Variants in SRMS observed in about 807,000 individuals in gnomAD.
The protein encoded by SRMS is tyrosine-protein kinase Srms.
A neutral mutation model predicts 43.5 loss-of-function variants in SRMS; 42 were observed. That is an observed-to-expected ratio of 0.97 (90% CI 0.75 to 1.25). The LOEUF (loss-of-function observed/expected upper bound fraction) is 1.25, where lower values mean the gene tolerates loss of function less well. SRMS is among the 50% of genes most tolerant of loss of function. The pLI, the probability that SRMS is intolerant of heterozygous loss-of-function variation, is 0.00. For synonymous variants in SRMS, 316 were observed against 308.2 expected, an observed-to-expected ratio of 1.03 and a Z score of -0.27; for missense variants, 703 against 681.0, an observed-to-expected ratio of 1.03 and a Z score of -0.36.
rs2082689185 is a variant in SRMS, at chr20:63,539,177, G to A, written c.*1641C>T. Among the ~76,000 whole-genome samples, 1 of 152,204 alleles carries A rather than the reference G, an allele frequency of 6.6e-6. No individual in the cohort carries two copies. On this transcript the variant is annotated 3_prime_UTR_variant, in exon 8 of 8. Coordinates refer to ENST00000217188, the MANE Select transcript of SRMS (RefSeq NM_080823.4). ...AGATGGAGCTGGGCAGGTGGCCAGGGTCCCAAAGGCTCAGATAAAGCCTCT... is the reference window on the plus strand; with the variant it reads ...AGATGGAGCTGGGCAGGTGGCCAGGATCCCAAAGGCTCAGATAAAGCCTCT...
chr20:63,543,087 C>G (rs1012187147), intron 3 of SRMS, among the ~76,000 whole-genome samples: 4 of 152,236 alleles, frequency 2.6e-5, no homozygotes, highest in Non-Finnish European at 5.9e-5. Flanking sequence ...CCTTTCCCCA[C>G]TCCCAGCCCC....
chr20:63,544,294 TG>T lies in SRMS; in HGVS notation c.410del (p.Pro137HisfsTer67). 6.7e-7 allele frequency: 1 copy of T among 1,482,924 alleles called. No individual in the cohort carries two copies. Among genetic ancestry groups the T allele is most frequent in the Non-Finnish European group, 8.9e-7 (1 of 1,117,940 alleles). The allele number at this position is 1,482,924 out of a possible 1,614,324, so 91.9% of individuals were successfully genotyped here. ...RTQAQQLLLS[P>X]PNEPGAFLIR... ...TGAGGAAGGCCCCTGGTTCGTTGGG[TG>T]GGGAGAGGAGCAGCTGCTGTGCCTG... On this transcript the variant is annotated frameshift_variant, in exon 2 of 8. Coordinates refer to ENST00000217188, the MANE Select transcript of SRMS (RefSeq NM_080823.4). LOFTEE classifies it high-confidence loss of function.
At chr20:63,543,548 G>A in intron 2 of SRMS, 68 bp from the exon 3 acceptor site, 6 of 1,548,986 alleles carry the variant, frequency 3.9e-6, no homozygotes, top group Non-Finnish European at 4.4e-6. Context: ...CCACCCCAGA[G>A]GATGCTGGCC....
intron 5 of SRMS, 79 bp downstream of exon 5, chr20:63,542,084 G>A (rs141222213): frequency 9.1e-6 from 14 of 1,532,558 alleles, no homozygotes; most frequent in South Asian, 2.5e-5. Flanking sequence ...CGGAAACCCC[G>A]CAGGTTCAGC....
rs2082692406 is a variant in SRMS, at chr20:63,539,768, C to CATG, written c.*1047_*1049dup. 6.6e-5 allele frequency among the ~76,000 whole-genome samples: 10 copies of CATG among 152,298 alleles called. No individual in the cohort carries two copies. In the South Asian group the frequency reaches 2.1e-3, roughly 32 times the overall value. On this transcript the variant is annotated 3_prime_UTR_variant, in exon 8 of 8. Transcript: ENST00000217188. ...CTGAGCCACTTGCTGCCCAGCATAC[C>CATG]ATGGCATCTACCTCCGAGCCCCCAA...
rs1454242642 is a variant in SRMS, at chr20:63,547,217, C to A, written c.247G>T (p.Glu83Ter). Residue 83 changes from glutamate to a stop codon, truncating the protein, a stop_gained, in exon 1 of 8, where the codon GAG becomes TAG. Coordinates refer to ENST00000217188, the MANE Select transcript of SRMS (RefSeq NM_080823.4). LOFTEE classifies it high-confidence loss of function. ...RRGDRLCALE[E>*]GGGYIFARRL... The stretch of plus-strand genomic sequence containing the variant: ...CGTGCGAAGATGTAGCCGCCCCCCT[C>A]TTCGAGGGCACAGAGCCTGTCCCCG... 1.2e-6 allele frequency: 2 copies of A among 1,612,228 alleles called. No individual in the cohort carries two copies. The highest frequency in any genetic ancestry group is 1.7e-5 in the Admixed American group (1 of 59,944).
Position 63,540,796 on chromosome 20 carries a change from G to C in SRMS, c.*22C>G. The C allele has an allele frequency of 6.4e-7, 1 of 1,573,572 alleles. No homozygotes were observed. The highest frequency in any genetic ancestry group is 8.6e-7 in the Non-Finnish European group (1 of 1,159,864). On this transcript the variant is annotated 3_prime_UTR_variant, in exon 8 of 8. Coordinates refer to ENST00000217188, the MANE Select transcript of SRMS (RefSeq NM_080823.4). ...GAGGGGCTGGCCTGGCTGGAGCCCAGAGCGTTGGGTCACGTGAGGACTCAG... is the reference window on the plus strand; with the variant it reads ...GAGGGGCTGGCCTGGCTGGAGCCCACAGCGTTGGGTCACGTGAGGACTCAG...
rs758588474 is a variant in SRMS at position 63,547,469 on chromosome 20, G to A, written c.-6C>T. The stretch of plus-strand genomic sequence containing the variant: ...CTCCTGAGGAACGGCTCCATCCCCC[G>A]GGGTCACCACGCTGGGCCCGAGGGC... On this transcript the variant is annotated 5_prime_UTR_variant, in exon 1 of 8. Transcript: ENST00000217188. The A allele has an allele frequency of 1.0e-5, 15 of 1,480,616 alleles. 1 individual carries two copies. Among genetic ancestry groups the A allele is most frequent in the South Asian group, 9.5e-5 (7 of 73,786 alleles). 91.7% of individuals were successfully genotyped at this position (1,480,616 alleles called of 1,614,324 possible).
At position 63,547,363 on chromosome 20, in the gene SRMS, A is replaced by C. The variant is rs1344477971; in HGVS notation, c.101T>G (p.Leu34Arg). ...GEPDHGTPGS[L>R]DPNTDPVPTL... ...GGGCACTGGGTCAGTGTTGGGGTCC[A>C]GGGACCCGGGGGTGCCATGGTCCGG... is the stretch of plus-strand genomic sequence containing the variant. Residue 34 changes from leucine (L) to arginine (R), a missense_variant, in exon 1 of 8, where the codon CTG becomes CGG. Leu to Arg is a moderately radical substitution (Grantham distance 102). Coordinates refer to ENST00000217188, the MANE Select transcript of SRMS (RefSeq NM_080823.4). 6.3e-7 allele frequency: 1 copy of C among 1,579,842 alleles called. No individual in the cohort carries two copies. The highest frequency in any genetic ancestry group is 8.6e-7 in the Non-Finnish European group (1 of 1,163,038).
intron 7 of SRMS, 75 bp downstream of exon 7, chr20:63,541,116 C>A (rs926214461): frequency 5.8e-6 from 9 of 1,559,450 alleles, no homozygotes; most frequent in Non-Finnish European, 7.8e-6. Context: ...AACCCCTTGC[C>A]GACAGCGTCC....
rs1341317965 is a variant in SRMS, at chr20:63,539,101, C to T, written c.*1717G>A. 3.9e-5 allele frequency among the ~76,000 whole-genome samples: 6 copies of T among 152,182 alleles called. No homozygotes were observed. Among genetic ancestry groups the T allele is most frequent in the Non-Finnish European group, 5.9e-5 (4 of 68,012 alleles). ...CAGAACTGGAAGCTCAGCTCAAGGC[C>T]TCAGTGGGCCCAGGTACCAGAACCA... On this transcript the variant is annotated 3_prime_UTR_variant, in exon 8 of 8. Coordinates refer to ENST00000217188, the MANE Select transcript of SRMS (RefSeq NM_080823.4).
rs1448050965 is a variant in SRMS at position 63,541,638 on chromosome 20, G to A, written c.947-18C>T. 6.7e-7 allele frequency: 1 copy of A among 1,493,102 alleles called. No individual in the cohort carries two copies. Among genetic ancestry groups the A allele is most frequent in the South Asian group, 1.3e-5 (1 of 78,798 alleles). The allele number at this position is 1,493,102 out of a possible 1,614,324, so 92.5% of individuals were successfully genotyped here. A position where few individuals can be genotyped will look rare whatever the true frequency, so the allele number is the denominator to read the frequency against. On this transcript the variant is annotated intron_variant, in intron 5 of 7. Transcript: ENST00000217188. Reference sequence around the variant, plus strand: ...CTCGGGGGCTGCAGGAGACAGCGCGGGGTCTTTTAGGGCACGGGGCCAACG... The same window carrying A: ...CTCGGGGGCTGCAGGAGACAGCGCGAGGTCTTTTAGGGCACGGGGCCAACG...
Position 63,544,231 on chromosome 20 carries a change from C to T in SRMS, c.474G>A (p.Leu158=). 6.9e-7 allele frequency: 1 copy of T among 1,457,018 alleles called. No individual in the cohort carries two copies. Among genetic ancestry groups the T allele is most frequent in the Non-Finnish European group, 9.1e-7 (1 of 1,104,286 alleles). The allele number at this position is 1,457,018 out of a possible 1,614,324, so 90.3% of individuals were successfully genotyped here. A position where few individuals can be genotyped will look rare whatever the true frequency, so the allele number is the denominator to read the frequency against. Residue 158 remains leucine, a synonymous_variant, in exon 2 of 8, where the codon CTG becomes CTA. Transcript: ENST00000217188. Reference sequence around the variant, plus strand: ...AGGAGGGGCCGCCCCAGGTACCTGACAGTGAGTAGCCCCCGAGGCTGCTCT... The same window carrying T: ...AGGAGGGGCCGCCCCAGGTACCTGATAGTGAGTAGCCCCCGAGGCTGCTCT... ...PSESSLGGYS[L]SVRAQAKVCH... is the part of the protein sequence containing the mutation.
chr20:63,543,540 AC>A, intron 2 of SRMS, 60 bp from the exon 3 acceptor site: 4 of 1,489,216 alleles, frequency 2.7e-6, no homozygotes, highest in Non-Finnish European at 3.6e-6. Flanking sequence ...CGACCCTCCC[AC>A]CCCAGAGGAT....
Position 63,547,309 on chromosome 20 carries a change from A to G in SRMS, c.155T>C (p.Phe52Ser). The change falls in exon 1 of 8, where the codon TTC (phenylalanine) becomes TCC (serine). Residue 52 changes from phenylalanine to serine, a missense_variant. Physicochemically the swap from Phe to Ser is radical, Grantham distance 155. Coordinates refer to ENST00000217188, the MANE Select transcript of SRMS (RefSeq NM_080823.4). ...PTLPAEPCSP[F>S]PQLFLALYDF... is the part of the protein sequence containing the mutation. ...ATAGAGCGCAAGGAAGAGCTGAGGG[A>G]AGGGGCTGCAAGGCTCGGCGGGGAG... 1 of 1,599,986 alleles carries G rather than the reference A, an allele frequency of 6.3e-7. No homozygotes were observed. Among genetic ancestry groups the G allele is most frequent in the African/African-American group, 1.3e-5 (1 of 74,630 alleles).
rs1227390562 is a variant in SRMS at position 63,539,109 on chromosome 20, G to A, written c.*1709C>T. ...GAAGCTCAGCTCAAGGCCTCAGTGG[G>A]CCCAGGTACCAGAACCAGCCCCTCC... is the stretch of plus-strand genomic sequence containing the variant. On this transcript the variant is annotated 3_prime_UTR_variant, in exon 8 of 8. Coordinates refer to ENST00000217188, the MANE Select transcript of SRMS (RefSeq NM_080823.4). 6.6e-6 allele frequency among the ~76,000 whole-genome samples: 1 copy of A among 152,158 alleles called. No individual in the cohort carries two copies. Among genetic ancestry groups the A allele is most frequent in the African/African-American group, 2.4e-5 (1 of 41,426 alleles).
In SRMS at chr20:63,540,189, G is replaced by A. The variant is rs1347495172; in HGVS notation, c.*629C>T. On this transcript the variant is annotated 3_prime_UTR_variant, in exon 8 of 8. Coordinates refer to ENST00000217188, the MANE Select transcript of SRMS (RefSeq NM_080823.4). ...GTGCTGTGTGCGTGAGTGGGTTTGT[G>A]CACAGGCCGCCAGTGTGTCTGTGAG... is the stretch of plus-strand genomic sequence containing the variant. 6.6e-6 allele frequency among the ~76,000 whole-genome samples: 1 copy of A among 152,196 alleles called. No individual in the cohort carries two copies. Among genetic ancestry groups the A allele is most frequent in the Admixed American group, 6.5e-5 (1 of 15,282 alleles).
In SRMS at chr20:63,542,149, G is replaced by A; in HGVS notation, c.946+14C>T. ...GGCGCGTCAGGGCCACGTGGCAGCA[G>A]GGAGGGGACTCACTGCCCAGGAAGG... On this transcript the variant is annotated intron_variant, in intron 5 of 7. Transcript: ENST00000217188. 3 of 1,601,566 alleles carry A rather than the reference G, an allele frequency of 1.9e-6. No homozygotes were observed. Among genetic ancestry groups the A allele is most frequent in the Non-Finnish European group, 2.6e-6 (3 of 1,171,502 alleles).
chr20:63,547,433 A>G lies in SRMS; in HGVS notation c.31T>C (p.Phe11Leu). 1 of 1,535,546 alleles carries G rather than the reference A, an allele frequency of 6.5e-7. No individual in the cohort carries two copies. The highest frequency in any genetic ancestry group is 1.4e-5 in the African/African-American group (1 of 72,298). ...ATCTTGTCCCAGAAGAAGGACAGGA[A>G]GGCCAGCCGCCTCCTGAGGAACGGC... MEPFLRRRLA[F>L]LSFFWDKIWP... Residue 11 changes from phenylalanine (F) to leucine (L), a missense_variant, in exon 1 of 8, where the codon TTC becomes CTC. By Grantham distance (22) the Phe-to-Leu change is conservative. Coordinates refer to ENST00000217188, the MANE Select transcript of SRMS (RefSeq NM_080823.4).
Sources: gnomAD v4.1 joint callset for allele counts (sites outside exome capture counted in the v4.1 genomes callset) on GRCh38, gnomAD v4.1.1 for gene constraint, MANE v1.5 for transcripts, NCBI Gene and HGNC (gene_info 2026-07-23, HGNC 2026-07-21) for gene names.